The following ADGRL4 variants were observed in gnomAD, a reference collection of about 807,000 sequenced individuals.
ADGRL4 encodes adhesion G protein-coupled receptor L4.
ADGRL4 carries 90 observed loss-of-function variants against 74.8 expected under a neutral mutation model. The observed-to-expected ratio is 1.20, with a 90% CI of 1.02 to 1.43. The LOEUF is 1.43. ADGRL4 is among the 40% of genes most tolerant of loss of function. The pLI, the probability that ADGRL4 is intolerant of heterozygous loss-of-function variation, is 0.00. For synonymous variants in ADGRL4, 311 were observed against 279.2 expected (o/e 1.11, Z -1.14); for missense variants, 881 against 814.3 (o/e 1.08, Z -1.00).
chr1:78,937,220 G>A (rs1160745957), intron 6 of ADGRL4, among the ~76,000 whole-genome samples: 3 of 152,164 alleles, frequency 2.0e-5, no homozygotes, highest in Non-Finnish European at 4.4e-5. Context: ...CGAGGCAAGT[G>A]GATGGCTTGA....
intron 12 of ADGRL4, among the ~76,000 whole-genome samples, chr1:78,906,687 A>G (rs1648644600): frequency 6.6e-6 from 1 of 152,052 alleles, no homozygotes. Context: ...AAACAAGAAC[A>G]GAGGTTAGTA....
At chr1:78,908,804 A>G (rs536673048) in intron 12 of ADGRL4, among the ~76,000 whole-genome samples, 1 of 151,996 alleles carries the variant, frequency 6.6e-6, no homozygotes, top group East Asian at 1.9e-4. Flanking sequence ...TTTTAAAAAT[A>G]TTTTTTGGAT....
chr1:78,889,845 C>G lies in ADGRL4; in HGVS notation c.*1309G>C, dbSNP rs1266545462. ...AGCTGGAGGAATTAATTTAAAATCACAAATTTAGTGTATTGGCACACTTTT... is the reference window on the plus strand; with the variant it reads ...AGCTGGAGGAATTAATTTAAAATCAGAAATTTAGTGTATTGGCACACTTTT... On this transcript the variant is annotated 3_prime_UTR_variant, in exon 15 of 15. Coordinates refer to ENST00000370742, the MANE Select transcript of ADGRL4 (RefSeq NM_022159.4). 3 of 463,752 alleles carry G rather than the reference C, an allele frequency of 6.5e-6. No individual in the cohort carries two copies. The highest frequency in any genetic ancestry group is 1.3e-5 in the Non-Finnish European group (3 of 223,770). The allele number at this position is 463,752 out of a possible 1,614,324, so 28.7% of individuals were successfully genotyped here.
intron 2 of ADGRL4, among the ~76,000 whole-genome samples, chr1:78,947,490 C>A (rs908036159): frequency 6.6e-6 from 1 of 152,146 alleles, no homozygotes; most frequent in Non-Finnish European, 1.5e-5. Flanking sequence ...GACGTTTTCA[C>A]GTTTTTGAAG....
intron 2 of ADGRL4, among the ~76,000 whole-genome samples, chr1:78,962,679 T>G (rs563903242): frequency 2.0e-5 from 3 of 152,320 alleles, no homozygotes; most frequent in African/African-American, 7.2e-5. Flanking sequence ...TTTTGTTTCA[T>G]ATATAGAGAT....
chr1:78,937,706 C>T (rs1386176459), intron 6 of ADGRL4, 101 bp downstream of exon 6: 2 of 979,496 alleles, frequency 2.0e-6, no homozygotes, highest in Non-Finnish European at 3.1e-6. Flanking sequence ...TCAATGTAAT[C>T]AATACTAGTT....
rs1649357059 is a variant in ADGRL4, at chr1:78,936,481, T to G, written c.761-70A>C. ...CAATATACATCATAAATATATTAGC[T>G]TAGAGACAATTTCATCCATCATTAT... On this transcript the variant is annotated intron_variant, in intron 6 of 14. Transcript: ENST00000370742. The G allele has an allele frequency of 4.7e-6, 6 of 1,276,856 alleles. No homozygotes were observed. The Admixed American group carries it at 1.2e-4, about 24-fold the overall frequency. The allele number at this position is 1,276,856 out of a possible 1,614,324, so 79.1% of individuals were successfully genotyped here. A position where few individuals can be genotyped will look rare whatever the true frequency, so the allele number is the denominator to read the frequency against.
rs775936743 is a variant in ADGRL4 at position 78,921,796 on chromosome 1, A to C, written c.1084-10T>G. On this transcript the variant is annotated splice_polypyrimidine_tract_variant and intron_variant, in intron 8 of 14. Transcript: ENST00000370742. Reference sequence around the variant, plus strand: ...TATACCTATCTGTGACCTGAAAAAAAGATACTTTACTGATGAAAAAAGAGA... The same window carrying C: ...TATACCTATCTGTGACCTGAAAAAACGATACTTTACTGATGAAAAAAGAGA... 67 of 1,447,764 alleles carry C rather than the reference A, an allele frequency of 4.6e-5. 1 individual carries two copies. In the South Asian group the frequency reaches 8.2e-4, roughly 18 times the overall value. 89.7% of individuals were successfully genotyped at this position (1,447,764 alleles called of 1,614,324 possible). A position where few individuals can be genotyped will look rare whatever the true frequency, so the allele number is the denominator to read the frequency against.
Position 78,946,305 on chromosome 1 carries a change from C to A in ADGRL4, c.294G>T (p.Arg98Ser), listed in dbSNP as rs776758970. The A allele has an allele frequency of 2.5e-6, 4 of 1,612,784 alleles. No individual in the cohort carries two copies. The Admixed American group carries it at 6.7e-5, about 27-fold the overall frequency. The change falls in exon 3 of 15, where the codon AGG (arginine) becomes AGT (serine). Residue 98 changes from arginine (R) to serine (S), a missense_variant. Transcript: ENST00000370742. ...AGACGGTTCCATCATTAGTGATAAA[C>A]CTGTCTTGGTTACTGCTGGATCTGA... is the stretch of plus-strand genomic sequence containing the variant. Reference protein sequence around the residue: ...PGFRSSSNQDRFITNDGTVCI... With the variant: ...PGFRSSSNQDSFITNDGTVCI...
chr1:78,910,632 A>T (rs1648743751), intron 12 of ADGRL4, among the ~76,000 whole-genome samples: 1 of 151,838 alleles, frequency 6.6e-6, no homozygotes, highest in Admixed American at 6.6e-5. Flanking sequence ...CTTGAATCTA[A>T]TCACTTACAT....
intron 8 of ADGRL4, among the ~76,000 whole-genome samples, chr1:78,922,163 A>G (rs1557498569): frequency 6.6e-6 from 1 of 152,052 alleles, no homozygotes; most frequent in African/African-American, 2.4e-5. Context: ...TGCATTGTTG[A>G]CATTAAATTC....
At chr1:78,917,096 T>C (rs1648888474) in intron 12 of ADGRL4, among the ~76,000 whole-genome samples, 1 of 151,894 alleles carries the variant, frequency 6.6e-6, no homozygotes. Context: ...GCTGTTGCAA[T>C]TTAGTTTAAA....
intron 2 of ADGRL4, among the ~76,000 whole-genome samples, chr1:78,953,415 G>C (rs1649769035): frequency 6.6e-6 from 1 of 151,688 alleles, no homozygotes; most frequent in South Asian, 2.1e-4. Context: ...GCTCTCAGTT[G>C]CAAAAAAAAA....
intron 12 of ADGRL4, among the ~76,000 whole-genome samples, chr1:78,905,661 G>A (rs1161837628): frequency 6.6e-6 from 1 of 151,810 alleles, no homozygotes; most frequent in East Asian, 1.9e-4. Flanking sequence ...AGGTCCACAA[G>A]GACAAAGACT....
intron 7 of ADGRL4, among the ~76,000 whole-genome samples, chr1:78,931,000 T>C (rs1455740110): frequency 6.6e-6 from 1 of 151,376 alleles, no homozygotes; most frequent in African/African-American, 2.5e-5. Flanking sequence ...ATACAAATTA[T>C]AAGAGAAATC....
At chr1:78,913,953 C>T (rs888638512) in intron 12 of ADGRL4, among the ~76,000 whole-genome samples, 2 of 151,782 alleles carry the variant, frequency 1.3e-5, no homozygotes, top group African/African-American at 4.8e-5. Flanking sequence ...TAATGACAAT[C>T]TGGACTAAGA....
At position 78,917,932 on chromosome 1, in the gene ADGRL4, C is replaced by T. The variant is rs1648912438; in HGVS notation, c.1580G>A (p.Gly527Glu). Residue 527 changes from glycine to glutamate, a missense_variant, in exon 11 of 15, where the codon GGA (glycine) becomes GAA (glutamate). Gly to Glu is a moderately conservative substitution (Grantham distance 98, BLOSUM62 -2). Coordinates refer to ENST00000370742, the MANE Select transcript of ADGRL4 (RefSeq NM_022159.4). ...LIVVGVIYNK[G>E]FLHKNFYIFG... ...GATATAAAAATTCTTGTGCAAAAAT[C>T]CCTTGTTGTAGATGACACCCACAAC... The T allele has an allele frequency of 6.2e-7, 1 of 1,612,616 alleles. No homozygotes were observed.
At chr1:78,997,692 A>G (rs1650746774) in intron 2 of ADGRL4, among the ~76,000 whole-genome samples, 1 of 152,102 alleles carries the variant, frequency 6.6e-6, no homozygotes, top group African/African-American at 2.4e-5. Flanking sequence ...TTATTCATCT[A>G]GGTGTTTATA....
intron 12 of ADGRL4, among the ~76,000 whole-genome samples, chr1:78,908,626 GAAT>G (rs145191226): frequency 6.2e-4 from 94 of 152,010 alleles, no homozygotes; most frequent in African/African-American, 2.1e-3. Context: ...AATGTAAAGT[GAAT>G]AATAATTCTA....
Sources: gnomAD v4.1 joint callset for allele counts (sites outside exome capture counted in the v4.1 genomes callset) on GRCh38, gnomAD v4.1.1 for gene constraint, MANE v1.5 for transcripts, NCBI Gene and HGNC (gene_info 2026-07-23, HGNC 2026-07-21) for gene names.